B4GALNT3: variants seen among roughly 807,000 people sequenced by gnomAD.
B4GALNT3 encodes the protein beta-1,4-N-acetyl-galactosaminyltransferase 3, also known as beta-1,4-N-acetylgalactosaminyltransferase 3.
B4GALNT3 carries 86 observed loss-of-function variants against 120.2 expected under a neutral mutation model. That is an observed-to-expected ratio of 0.72 (90% CI 0.60 to 0.86). B4GALNT3 has a LOEUF of 0.86. Ranked by LOEUF, B4GALNT3 falls within the 40% of genes least tolerant of loss-of-function variation. B4GALNT3 has a pLI of 0.00. For missense variants in B4GALNT3, 1,167 were observed against 1,298.9 expected (o/e 0.90, Z 1.56); for synonymous variants, 518 against 510.4 (o/e 1.01, Z -0.20).
chr12:528,842 C>T (rs1279790024), intron 1 of B4GALNT3, among the ~76,000 whole-genome samples: 1 of 152,202 alleles, frequency 6.6e-6, no homozygotes, highest in Non-Finnish European at 1.5e-5. Flanking sequence ...GATGTCATGG[C>T]CTCATGTTCA....
chr12:471,357 C>T (rs1170532286), intron 1 of B4GALNT3, among the ~76,000 whole-genome samples: 1 of 149,070 alleles, frequency 6.7e-6, no homozygotes, highest in Non-Finnish European at 1.5e-5. Context: ...TGCACTCCAA[C>T]GTGGGTGACA....
chr12:470,880 A>G (rs1016911752), intron 1 of B4GALNT3, among the ~76,000 whole-genome samples: 4 of 151,900 alleles, frequency 2.6e-5, no homozygotes, highest in Admixed American at 6.6e-5. Flanking sequence ...CTGGGATTAC[A>G]GGCATGTGTC....
chr12:483,391 G>A (rs1055013831), intron 1 of B4GALNT3, among the ~76,000 whole-genome samples: 1 of 152,184 alleles, frequency 6.6e-6, no homozygotes, highest in South Asian at 2.1e-4. Flanking sequence ...CCATGGCAAA[G>A]CTATTATAGT....
intron 1 of B4GALNT3, among the ~76,000 whole-genome samples, chr12:507,147 A>G (rs1028509679): frequency 1.3e-5 from 2 of 152,216 alleles, no homozygotes; most frequent in Non-Finnish European, 2.9e-5. Flanking sequence ...AATTCCTTTC[A>G]GATATCCCTT....
intron 3 of B4GALNT3, among the ~76,000 whole-genome samples, chr12:536,909 G>A (rs1014422778): frequency 2.0e-5 from 3 of 152,172 alleles, no homozygotes; most frequent in African/African-American, 7.2e-5. Context: ...TGTCTTTCTT[G>A]GGCCACTATC....
chr12:460,329 T>G lies in B4GALNT3; in HGVS notation c.-48T>G. On this transcript the variant is annotated 5_prime_UTR_variant, in exon 1 of 20. Coordinates refer to ENST00000266383, the MANE Select transcript of B4GALNT3 (RefSeq NM_173593.4). The surrounding 1 kb of genome is among the most constrained non-coding windows in gnomAD (Gnocchi z 8.0). ...CGGGGCCCGGCCGGGGGGCGGCGGC[T>G]CGGGGGGTTGGAGCCCGCGCTGGCG... 1.0e-6 allele frequency: 1 copy of G among 997,438 alleles called. No individual in the cohort carries two copies. The highest frequency in any genetic ancestry group is 1.2e-6 in the Non-Finnish European group (1 of 838,904). The allele number at this position is 997,438 out of a possible 1,614,324, so 61.8% of individuals were successfully genotyped here. A position where few individuals can be genotyped will look rare whatever the true frequency, so the allele number is the denominator to read the frequency against.
chr12:524,205 A>G (rs75754705), intron 1 of B4GALNT3, among the ~76,000 whole-genome samples: 1,911 of 152,324 alleles, frequency 0.013, 42 homozygotes, highest in African/African-American at 0.044. Context: ...AGGAAAGCAG[A>G]TCCCCATATT....
chr12:499,462 G>T (rs1946419506), intron 1 of B4GALNT3, among the ~76,000 whole-genome samples: 1 of 138,138 alleles, frequency 7.2e-6, no homozygotes, highest in Non-Finnish European at 1.5e-5. Flanking sequence ...TGGAGCCCGT[G>T]CTCTCACTAT....
At chr12:498,944 A>C (rs2120530863) in intron 1 of B4GALNT3, among the ~76,000 whole-genome samples, 1 of 152,284 alleles carries the variant, frequency 6.6e-6, no homozygotes, top group African/African-American at 2.4e-5. Flanking sequence ...TGTCAGCTGG[A>C]CAGTAGAATT....
chr12:521,607 C>A (rs903722064), intron 1 of B4GALNT3, among the ~76,000 whole-genome samples: 1 of 152,316 alleles, frequency 6.6e-6, no homozygotes, highest in East Asian at 1.9e-4. Context: ...GTTCCTGGGC[C>A]GTCACTGAGT....
intron 1 of B4GALNT3, among the ~76,000 whole-genome samples, chr12:518,015 C>T (rs2120611167): frequency 6.6e-6 from 1 of 152,302 alleles, no homozygotes. Flanking sequence ...ACTCTTTAAA[C>T]CTCAGTTTTA....
intron 1 of B4GALNT3, among the ~76,000 whole-genome samples, chr12:512,334 TC>T (rs1662962174): frequency 4.1e-5 from 5 of 122,458 alleles, no homozygotes; most frequent in Admixed American, 8.3e-5. Context: ...CCTTCCACCT[TC>T]CTTCCACCTT....
chr12:544,163 C>T lies in B4GALNT3; in HGVS notation c.352-176C>T, dbSNP rs543508304. ...TCCTCCTGGAGCTGAGGATCTGGGGCGGGTGTGGGATGCTCATCCTCCTGG... is the reference window on the plus strand; with the variant it reads ...TCCTCCTGGAGCTGAGGATCTGGGGTGGGTGTGGGATGCTCATCCTCCTGG... On this transcript the variant is annotated intron_variant, in intron 3 of 19. Coordinates refer to ENST00000266383, the MANE Select transcript of B4GALNT3 (RefSeq NM_173593.4). Among the ~76,000 whole-genome samples, 62 of 133,214 alleles carry T rather than the reference C, an allele frequency of 4.7e-4. No individual in the cohort carries two copies. The East Asian group carries it at 4.7e-3, about 10-fold the overall frequency. 87.4% of individuals were successfully genotyped at this position (133,214 alleles called of 152,430 possible). A position where few individuals can be genotyped will look rare whatever the true frequency, so the allele number is the denominator to read the frequency against.
chr12:559,000 G>A (rs761255260), intron 18 of B4GALNT3, among the ~76,000 whole-genome samples: 5 of 151,916 alleles, frequency 3.3e-5, no homozygotes, highest in Non-Finnish European at 5.9e-5. Context: ...AAAGGGAAAC[G>A]GACATGTAAA....
chr12:531,889 A>G (rs797001443), intron 1 of B4GALNT3, among the ~76,000 whole-genome samples: 13 of 152,224 alleles, frequency 8.5e-5, no homozygotes, highest in African/African-American at 2.9e-4. Context: ...TGAAGAAACC[A>G]GGGCCAAAGA....
At chr12:462,906 G>A (rs7970891) in intron 1 of B4GALNT3, among the ~76,000 whole-genome samples, 1 of 152,134 alleles carries the variant, frequency 6.6e-6, no homozygotes, top group East Asian at 1.9e-4. Flanking sequence ...TCTGGAGGGA[G>A]AGCCAGGGAG....
chr12:469,183 C>G (rs4980826), intron 1 of B4GALNT3, among the ~76,000 whole-genome samples: 1 of 151,822 alleles, frequency 6.6e-6, no homozygotes, highest in Non-Finnish European at 1.5e-5. Context: ...GGCAAGGTTC[C>G]AGTTCAAGCG....
intron 1 of B4GALNT3, among the ~76,000 whole-genome samples, chr12:498,582 T>A (rs1946410697): frequency 6.6e-6 from 1 of 152,072 alleles, no homozygotes; most frequent in Non-Finnish European, 1.5e-5. Flanking sequence ...GTGTATAAGA[T>A]AATGGTCTTG....
In B4GALNT3 at chr12:552,832, G is replaced by A. The variant is rs184925935; in HGVS notation, c.1270+304G>A. 5.2e-3 allele frequency: 2,622 copies of A among 500,490 alleles called. 32 individuals are homozygous for A. Among genetic ancestry groups the A allele is most frequent in the Non-Finnish European group, 4.8e-3 (1,355 of 282,620 alleles). The allele number at this position is 500,490 out of a possible 1,614,324, so 31.0% of individuals were successfully genotyped here. A position where few individuals can be genotyped will look rare whatever the true frequency, so the allele number is the denominator to read the frequency against. On this transcript the variant is annotated intron_variant, in intron 13 of 19. Coordinates refer to ENST00000266383, the MANE Select transcript of B4GALNT3 (RefSeq NM_173593.4). ...CTGTCCCTGGCGCACCATTTGGGAG[G>A]TTCTGGTTTAGAGAAGCACTGTCTT...
Sources: allele counts gnomAD v4.1 joint callset (sites outside exome capture counted in the v4.1 genomes callset), GRCh38; gene constraint gnomAD v4.1.1; non-coding constraint Gnocchi (gnomAD v3.1); transcripts MANE v1.5; gene names NCBI Gene and HGNC (gene_info 2026-07-23, HGNC 2026-07-21).